NRIP1: variants seen among roughly 807,000 people sequenced by gnomAD.
NRIP1 encodes nuclear receptor interacting protein 1.
In NRIP1, 28 loss-of-function variants were observed where a neutral mutation model predicts 75.0. The observed-to-expected ratio is 0.37, with a 90% confidence interval of 0.28 to 0.51. The LOEUF is 0.51. Ranked by LOEUF, NRIP1 falls within the 20% of genes least tolerant of loss-of-function variation. The probability of loss-of-function intolerance (pLI) is 0.92; values close to 1 mark genes in which losing one functional copy is unlikely to be tolerated. For missense variants in NRIP1, 1,435 were observed against 1,343.7 expected (o/e 1.07, Z -1.06); for synonymous variants, 526 against 487.6 (o/e 1.08, Z -1.04).
chr21:14,962,792 A>G lies in NRIP1; in HGVS notation c.*1924T>C, dbSNP rs1414223843. On this transcript the variant is annotated 3_prime_UTR_variant, in exon 4 of 4. Coordinates refer to ENST00000318948, the MANE Select transcript of NRIP1 (RefSeq NM_003489.4). ...TAGCTATTTACAAATCATTCTGAGG[A>G]AAAATAACCATTTAGGGTTTTAGAT... is the stretch of plus-strand genomic sequence containing the variant. The G allele has an allele frequency of 2.0e-5, 3 of 152,494 alleles. No homozygotes were observed. Among genetic ancestry groups the G allele is most frequent in the African/African-American group, 7.2e-5 (3 of 41,444 alleles). The allele number at this position is 152,494 out of a possible 1,614,324, so 9.4% of individuals were successfully genotyped here. A position where few individuals can be genotyped will look rare whatever the true frequency, so the allele number is the denominator to read the frequency against.
In NRIP1 at chr21:14,967,914, C is replaced by G. The variant is rs2086801201; in HGVS notation, c.279G>C (p.Trp93Cys). ...KARLLQSSED[W>C]NAAKRKRLSD... ...ACAGCCTCTTCCGCTTTGCTGCATTCCAGTCCTCAGAAGACTGCAACAGTC... is the reference window on the plus strand; with the variant it reads ...ACAGCCTCTTCCGCTTTGCTGCATTGCAGTCCTCAGAAGACTGCAACAGTC... The change falls in exon 4 of 4, where the codon TGG becomes TGC. Residue 93 changes from tryptophan (W) to cysteine (C), a missense_variant. Transcript: ENST00000318948. 1 of 1,614,008 alleles carries G rather than the reference C, an allele frequency of 6.2e-7. No individual in the cohort carries two copies. Among genetic ancestry groups the G allele is most frequent in the Non-Finnish European group, 8.5e-7 (1 of 1,180,030 alleles).
intron 2 of NRIP1, among the ~76,000 whole-genome samples, chr21:15,042,378 G>T (rs1423616411): frequency 6.6e-6 from 1 of 152,186 alleles, no homozygotes; most frequent in Non-Finnish European, 1.5e-5. Context: ...TATTAAGAAG[G>T]ATGCCTTGGA....
chr21:15,052,000 T>G (rs2089211903), intron 1 of NRIP1: 2 of 152,200 alleles, frequency 1.3e-5, no homozygotes, highest in Admixed American at 6.5e-5. Context: ...CCCTATCTAG[T>G]ACAAGTTCAA....
At chr21:15,065,532 C>T (rs571518262), upstream of NRIP1, among the ~76,000 whole-genome samples, 3 of 152,270 alleles carry the variant, frequency 2.0e-5, no homozygotes, top group African/African-American at 7.2e-5. Context: ...CCCCTTCACC[C>T]CACAACACGC....
At chr21:15,010,690 C>A (rs2088081176) in intron 3 of NRIP1, among the ~76,000 whole-genome samples, 1 of 152,136 alleles carries the variant, frequency 6.6e-6, no homozygotes, top group Admixed American at 6.5e-5. Context: ...AGACAAGTAA[C>A]ACAAGCAAGC....
chr21:15,059,544 G>A (rs907282982), intron 1 of NRIP1, among the ~76,000 whole-genome samples: 14 of 151,858 alleles, frequency 9.2e-5, no homozygotes, highest in African/African-American at 3.1e-4. Context: ...AGGGAAGGAG[G>A]GAAGGAGAGA....
intron 3 of NRIP1, among the ~76,000 whole-genome samples, chr21:15,011,567 C>T (rs918201624): frequency 2.0e-5 from 3 of 152,114 alleles, no homozygotes; most frequent in African/African-American, 7.2e-5. Flanking sequence ...GACATCTATT[C>T]TACCATAGTT....
chr21:14,988,940 G>A (rs1015010437), intron 3 of NRIP1, among the ~76,000 whole-genome samples: 2 of 151,646 alleles, frequency 1.3e-5, no homozygotes, highest in Non-Finnish European at 2.9e-5. Flanking sequence ...AACGAGGAGA[G>A]GAGAGGAGAG....
At chr21:15,021,385 C>G (rs1222877627) in intron 2 of NRIP1, among the ~76,000 whole-genome samples, 1 of 152,112 alleles carries the variant, frequency 6.6e-6, no homozygotes, top group Non-Finnish European at 1.5e-5. Flanking sequence ...GTAGAGAAAG[C>G]AGATCACCTC....
intron 2 of NRIP1, among the ~76,000 whole-genome samples, chr21:15,026,553 C>G (rs1162749461): frequency 6.6e-6 from 1 of 152,036 alleles, no homozygotes; most frequent in Non-Finnish European, 1.5e-5. Flanking sequence ...ACATCTTCTT[C>G]AGAACACATA....
chr21:15,031,170 T>C (rs1427696600), intron 2 of NRIP1, among the ~76,000 whole-genome samples: 1 of 142,600 alleles, frequency 7.0e-6, no homozygotes, highest in African/African-American at 2.6e-5. Context: ...CCTTTCTATG[T>C]GTGTACACTC....
At position 14,964,719 on chromosome 21, in the gene NRIP1, T is replaced by C. The variant is rs2086674144; in HGVS notation, c.3474A>G (p.Glu1158=). ...GSVLTIKKES[E] ...AAAACTGGATGGCAGGTACATTTTATTCTGATTCTTTCTTTATCGTTAGCA... is the reference window on the plus strand; with the variant it reads ...AAAACTGGATGGCAGGTACATTTTACTCTGATTCTTTCTTTATCGTTAGCA... The change falls in exon 4 of 4, where the codon GAA becomes GAG. Residue 1158 remains glutamate (E), a synonymous_variant. Coordinates refer to ENST00000318948, the MANE Select transcript of NRIP1 (RefSeq NM_003489.4). 3 of 1,534,672 alleles carry C rather than the reference T, an allele frequency of 2.0e-6. No homozygotes were observed. Among genetic ancestry groups the C allele is most frequent in the Non-Finnish European group, 1.7e-6 (2 of 1,147,134 alleles).
intron 2 of NRIP1, among the ~76,000 whole-genome samples, chr21:15,030,905 C>G (rs111830487): frequency 1.1e-4 from 8 of 74,504 alleles, no homozygotes; most frequent in African/African-American, 3.5e-4. Flanking sequence ...GGAGGATCAC[C>G]ACATTCCCTT....
intron 3 of NRIP1, chr21:15,002,193 C>G (rs1480375167): frequency 6.6e-6 from 1 of 152,180 alleles, no homozygotes; most frequent in Non-Finnish European, 1.5e-5. Flanking sequence ...TCTCTCACAG[C>G]AGTGGTGCCA....
intron 1 of NRIP1, among the ~76,000 whole-genome samples, chr21:15,053,340 A>G (rs2089241448): frequency 6.6e-6 from 1 of 152,194 alleles, no homozygotes; most frequent in African/African-American, 2.4e-5. Flanking sequence ...ATGTAAAATA[A>G]ATAGATAGAT....
chr21:15,065,744 G>C (rs1978833410), upstream of NRIP1: 3 of 152,398 alleles, frequency 2.0e-5, no homozygotes, highest in Non-Finnish European at 4.4e-5. Flanking sequence ...GCCCCGCTCA[G>C]CTCCCTGGAC....
Position 14,968,133 on chromosome 21 carries a change from G to A in NRIP1, c.60C>T (p.Tyr20=), listed in dbSNP as rs780007572. The change falls in exon 4 of 4, where the codon TAC becomes TAT. Residue 20 remains tyrosine (Y), a synonymous_variant. Transcript: ENST00000318948. ...CCTGATGCATTAGTAATCCTTCTAGGTAAGTTAAAACAATAGAATCCTGGT... is the reference window on the plus strand; with the variant it reads ...CCTGATGCATTAGTAATCCTTCTAGATAAGTTAAAACAATAGAATCCTGGT... ...DVHQDSIVLT[Y]LEGLLMHQAA... is the part of the protein sequence containing the mutation. 1.2e-6 allele frequency: 2 copies of A among 1,613,790 alleles called. No homozygotes were observed. Among genetic ancestry groups the A allele is most frequent in the Non-Finnish European group, 1.7e-6 (2 of 1,179,954 alleles).
At chr21:14,986,742 A>G (rs2087415736) in intron 3 of NRIP1, among the ~76,000 whole-genome samples, 2 of 152,202 alleles carry the variant, frequency 1.3e-5, no homozygotes, top group Non-Finnish European at 2.9e-5. Flanking sequence ...TTTTTGGCAT[A>G]TATTTTATTC....
At chr21:15,055,903 T>C (rs1246415087) in intron 1 of NRIP1, among the ~76,000 whole-genome samples, 1 of 151,914 alleles carries the variant, frequency 6.6e-6, no homozygotes, top group African/African-American at 2.4e-5. Context: ...AAGTAATTAT[T>C]GACCCCATTG....
Sources: allele counts gnomAD v4.1 joint callset (sites outside exome capture counted in the v4.1 genomes callset), GRCh38; gene constraint gnomAD v4.1.1; transcripts MANE v1.5; gene names NCBI Gene and HGNC (gene_info 2026-07-23, HGNC 2026-07-21).